TRIP6: variants seen among roughly 807,000 people sequenced by gnomAD.
TRIP6 encodes thyroid receptor-interacting protein 6.
TRIP6 carries 33 observed loss-of-function variants against 51.9 expected under a neutral mutation model. The ratio of observed to expected loss-of-function variants is 0.64; its 90% CI spans 0.48 to 0.85. TRIP6 has a LOEUF of 0.85. Among genes scored for constraint, TRIP6 ranks in the 40% least tolerant of loss-of-function variants. The probability of loss-of-function intolerance (pLI) is 0.00; values close to 1 mark genes in which losing one functional copy is unlikely to be tolerated. For synonymous variants in TRIP6, 255 were observed against 275.8 expected, an observed-to-expected ratio of 0.92 and a Z score of 0.75; for missense variants, 661 against 652.1, an observed-to-expected ratio of 1.01 and a Z score of -0.15.
At chr7:100,868,385 C>G in intron 3 of TRIP6, 110 bp from the exon 4 acceptor site, 1 of 1,587,478 alleles carries the variant, frequency 6.3e-7, no homozygotes. Context: ...AGGACGGGAC[C>G]TTGTCAAATG....
intron 6 of TRIP6, 134 bp from the exon 7 acceptor site, chr7:100,871,409 G>C: frequency 1.2e-6 from 1 of 836,068 alleles, no homozygotes; most frequent in Non-Finnish European, 1.9e-6. Flanking sequence ...GCTCAAGTCT[G>C]CCTTTCACCG....
At position 100,873,263 on chromosome 7, in the gene TRIP6, G is replaced by C; in HGVS notation, c.1391G>C (p.Arg464Pro). 1 of 1,612,384 alleles carries C rather than the reference G, an allele frequency of 6.2e-7. No homozygotes were observed. Among genetic ancestry groups the C allele is most frequent in the Non-Finnish European group, 8.5e-7 (1 of 1,178,782 alleles). Residue 464 changes from arginine to proline, a missense_variant, in exon 9 of 9, where the codon CGC becomes CCC. Transcript: ENST00000200457. ...TTGTGCAAGGCCTGCAGCGCCTGGC[G>C]CATCCAGGAGCTCTCAGCCACCGTC... Reference protein sequence around the residue: ...HILCKACSAWRIQELSATVTT... With the variant: ...HILCKACSAWPIQELSATVTT...
chr7:100,872,933 C>T (rs1464141952), intron 8 of TRIP6, 189 bp downstream of exon 8: 4 of 1,119,656 alleles, frequency 3.6e-6, no homozygotes, highest in East Asian at 5.5e-5. Context: ...TCACTGCAAC[C>T]TCCACCTCCC....
Position 100,867,544 on chromosome 7 carries a change from G to T in TRIP6, c.47G>T (p.Arg16Ile), listed in dbSNP as rs1364502043. The change falls in exon 1 of 9, where the codon AGA becomes ATA. Residue 16 changes from arginine (R) to isoleucine (I), a missense_variant. By Grantham distance (97) the Arg-to-Ile change is moderately conservative (BLOSUM62 -3). Coordinates refer to ENST00000200457, the MANE Select transcript of TRIP6 (RefSeq NM_003302.3). The surrounding 1 kb of genome is among the most constrained non-coding windows in gnomAD (Gnocchi z 5.4). ...CCCCCGAAGCAGCCGGAGCCCGCCA[G>T]AGCCCCTCAGGGGAGGGCGATCCCC... ...WLPPKQPEPA[R>I]APQGRAIPRG... 1 of 1,533,980 alleles carries T rather than the reference G, an allele frequency of 6.5e-7. No homozygotes were observed. Among genetic ancestry groups the T allele is most frequent in the Non-Finnish European group, 8.8e-7 (1 of 1,142,378 alleles).
At position 100,870,315 on chromosome 7, in the gene TRIP6, T is replaced by C. The variant is rs1001372769; in HGVS notation, c.736-55T>C. ...GCCATGGCCTGGCGGCTGAGGGCCC[T>C]GGTATTACAGCATCAGGAGCTAGAG... On this transcript the variant is annotated intron_variant, in intron 4 of 8. Coordinates refer to ENST00000200457, the MANE Select transcript of TRIP6 (RefSeq NM_003302.3). 9.6e-6 allele frequency: 15 copies of C among 1,562,486 alleles called. No homozygotes were observed. In the East Asian group the frequency reaches 3.1e-4, roughly 32 times the overall value.
chr7:100,867,577 C>T lies in TRIP6; in HGVS notation c.80C>T (p.Thr27Ile), dbSNP rs1458787504. The T allele has an allele frequency of 5.8e-6, 9 of 1,539,526 alleles. No individual in the cohort carries two copies. The highest frequency in any genetic ancestry group is 7.9e-6 in the Non-Finnish European group (9 of 1,146,166). The change falls in exon 1 of 9, where the codon ACC becomes ATC. Residue 27 changes from threonine (T) to isoleucine (I), a missense_variant. By Grantham distance (89) the Thr-to-Ile change is moderately conservative. Transcript: ENST00000200457. The surrounding 1 kb of genome is among the most constrained non-coding windows in gnomAD (Gnocchi z 5.4). The stretch of plus-strand genomic sequence containing the variant: ...CAGGGGAGGGCGATCCCCCGCGGCA[C>T]CCCGGGGCCACCACCGGCCCACGGA... ...APQGRAIPRG[T>I]PGPPPAHGAA...
rs532016065 is a variant in TRIP6 at position 100,867,708 on chromosome 7, C to T, written c.109+102C>T. On this transcript the variant is annotated intron_variant, in intron 1 of 8. Coordinates refer to ENST00000200457, the MANE Select transcript of TRIP6 (RefSeq NM_003302.3). This position sits in a 1 kb window ranked among gnomAD's most constrained non-coding sequence, Gnocchi z 5.4. Reference sequence around the variant, plus strand: ...CCTGGCTGCTTCCTCCTGCCCCTTCCCCAAGCCGAGGCGGGGGGAACAGCC... The same window carrying T: ...CCTGGCTGCTTCCTCCTGCCCCTTCTCCAAGCCGAGGCGGGGGGAACAGCC... 18 of 1,529,382 alleles carry T rather than the reference C, an allele frequency of 1.2e-5. No individual in the cohort carries two copies. In the East Asian group the frequency reaches 3.6e-4, roughly 30 times the overall value. 94.7% of individuals were successfully genotyped at this position (1,529,382 alleles called of 1,614,324 possible).
intron 7 of TRIP6, 72 bp downstream of exon 7, chr7:100,871,793 G>C: frequency 1.3e-6 from 2 of 1,544,428 alleles, no homozygotes; most frequent in Non-Finnish European, 1.8e-6. Context: ...CATGCCCCAG[G>C]ACTGTCTCTT....
Position 100,873,441 on chromosome 7 carries a change from G to A in TRIP6, c.*138G>A, listed in dbSNP as rs748293067. 38 of 1,325,680 alleles carry A rather than the reference G, an allele frequency of 2.9e-5. No homozygotes were observed. Among genetic ancestry groups the A allele is most frequent in the African/African-American group, 4.4e-5 (3 of 67,600 alleles). 82.1% of individuals were successfully genotyped at this position (1,325,680 alleles called of 1,614,324 possible). ...TCCAATCAAGAAATAATAATCCCTC[G>A]AGTTTACAAAACACTTCCAAGTCTG... is the stretch of plus-strand genomic sequence containing the variant. On this transcript the variant is annotated 3_prime_UTR_variant, in exon 9 of 9. Coordinates refer to ENST00000200457, the MANE Select transcript of TRIP6 (RefSeq NM_003302.3).
In TRIP6 at chr7:100,867,949, G is replaced by A. The variant is rs898182784; in HGVS notation, c.198G>A (p.Pro66=). Reference sequence around the variant, plus strand: ...CAGGGGGACCGGAGGATCGGGGGCCGGCGTGGGTGGGGTCCCATGGAGTAC... The same window carrying A: ...CAGGGGGACCGGAGGATCGGGGGCCAGCGTGGGTGGGGTCCCATGGAGTAC... ...QAPGGPEDRG[P]AWVGSHGVLQ... The change falls in exon 2 of 9, where the codon CCG becomes CCA. Residue 66 remains proline, a synonymous_variant. Coordinates refer to ENST00000200457, the MANE Select transcript of TRIP6 (RefSeq NM_003302.3). The surrounding 1 kb of genome is among the most constrained non-coding windows in gnomAD (Gnocchi z 5.4). 1.7e-5 allele frequency: 26 copies of A among 1,513,896 alleles called. No individual in the cohort carries two copies. The highest frequency in any genetic ancestry group is 2.7e-5 in the South Asian group (2 of 74,424). The allele number at this position is 1,513,896 out of a possible 1,614,324, so 93.8% of individuals were successfully genotyped here. A position where few individuals can be genotyped will look rare whatever the true frequency, so the allele number is the denominator to read the frequency against.
At position 100,868,783 on chromosome 7, in the gene TRIP6, G is replaced by C. The variant is rs1815206536; in HGVS notation, c.652G>C (p.Glu218Gln). ...VWGPGYRSQR[E>Q]PGPGAKEEAA... ...GGGGCCTGGCTATAGGAGCCAGAGAGAGCCAGGGCCAGGGGCCAAAGAGGA... is the reference window on the plus strand; with the variant it reads ...GGGGCCTGGCTATAGGAGCCAGAGACAGCCAGGGCCAGGGGCCAAAGAGGA... The change falls in exon 4 of 9, where the codon GAG (glutamate) becomes CAG (glutamine). Residue 218 changes from glutamate to glutamine, a missense_variant. Transcript: ENST00000200457. 2 of 1,530,280 alleles carry C rather than the reference G, an allele frequency of 1.3e-6. No individual in the cohort carries two copies. The highest frequency in any genetic ancestry group is 2.2e-4 in the Middle Eastern group (1 of 4,530). The allele number at this position is 1,530,280 out of a possible 1,614,324, so 94.8% of individuals were successfully genotyped here.
rs767261190 is a variant in TRIP6, at chr7:100,868,482, C to T, written c.364-13C>T. Reference sequence around the variant, plus strand: ...GTCCTTGCTTACGACTTCTGGCCTGCGTTTCTCCTCAGGCATATGAGCCCC... The same window carrying T: ...GTCCTTGCTTACGACTTCTGGCCTGTGTTTCTCCTCAGGCATATGAGCCCC... On this transcript the variant is annotated splice_polypyrimidine_tract_variant and intron_variant, in intron 3 of 8. Coordinates refer to ENST00000200457, the MANE Select transcript of TRIP6 (RefSeq NM_003302.3). 25 of 1,613,034 alleles carry T rather than the reference C, an allele frequency of 1.5e-5. No homozygotes were observed. Among genetic ancestry groups the T allele is most frequent in the South Asian group, 8.8e-5 (8 of 91,076 alleles).
Position 100,871,551 on chromosome 7 carries a change from G to A in TRIP6, c.1008G>A (p.Leu336=), listed in dbSNP as rs1815268504. The part of the protein sequence containing the change: ...AYCEGCYVAT[L]EKCATCSQPI... ...GCCTTCCTTCCCAACAGGCCACCCT[G>A]GAGAAATGTGCCACGTGCTCCCAGC... Residue 336 remains leucine (L), a synonymous_variant, in exon 7 of 9, where the codon CTG becomes CTA. Coordinates refer to ENST00000200457, the MANE Select transcript of TRIP6 (RefSeq NM_003302.3). The A allele has an allele frequency of 6.2e-6, 10 of 1,613,656 alleles. No individual in the cohort carries two copies. The highest frequency in any genetic ancestry group is 1.7e-5 in the Admixed American group (1 of 60,020).
chr7:100,870,156 A>G (rs960153280), intron 4 of TRIP6, among the ~76,000 whole-genome samples: 4 of 152,170 alleles, frequency 2.6e-5, no homozygotes, highest in African/African-American at 9.7e-5. Context: ...TCCTATGAGA[A>G]TCTAACGCCG....
chr7:100,873,058 C>T, intron 8 of TRIP6, 114 bp from the exon 9 acceptor site: 3 of 1,418,452 alleles, frequency 2.1e-6, no homozygotes, highest in Non-Finnish European at 1.9e-6. Flanking sequence ...ACCATATTGG[C>T]CAGGCTGGTC....
At chr7:100,869,249 C>T (rs1027581676) in intron 4 of TRIP6, among the ~76,000 whole-genome samples, 11 of 151,582 alleles carry the variant, frequency 7.3e-5, no homozygotes, top group Admixed American at 2.6e-4. Flanking sequence ...TGAGCCACCG[C>T]GCCTGGCCAA....
chr7:100,873,040 A>T, intron 8 of TRIP6, 132 bp from the exon 9 acceptor site: 1 of 1,307,032 alleles, frequency 7.7e-7, no homozygotes. Context: ...TAGTAGAGAC[A>T]GGGTTTCACC....
Position 100,867,428 on chromosome 7 carries a change from A to C in TRIP6, c.-70A>C, listed in dbSNP as rs1815160863. On this transcript the variant is annotated 5_prime_UTR_variant, in exon 1 of 9. Transcript: ENST00000200457. The surrounding 1 kb of genome is among the most constrained non-coding windows in gnomAD (Gnocchi z 5.4). Reference sequence around the variant, plus strand: ...TCTGGAGTCCCAAACGAGGTGCGGGACGGAAGAGGGGGTGAAGGCCAGAGG... The same window carrying C: ...TCTGGAGTCCCAAACGAGGTGCGGGCCGGAAGAGGGGGTGAAGGCCAGAGG... 8.7e-7 allele frequency: 1 copy of C among 1,154,936 alleles called. No homozygotes were observed. The highest frequency in any genetic ancestry group is 1.2e-6 in the Non-Finnish European group (1 of 857,110). 71.5% of individuals were successfully genotyped at this position (1,154,936 alleles called of 1,614,324 possible).
At chr7:100,868,950 C>CT in intron 4 of TRIP6, 84 bp downstream of exon 4, 4 of 1,399,072 alleles carry the variant, frequency 2.9e-6, no homozygotes, top group Non-Finnish European at 3.7e-6. Flanking sequence ...TTTTAGGGGG[C>CT]TTTTTTGTTT....
Sources: allele counts gnomAD v4.1 joint callset (sites outside exome capture counted in the v4.1 genomes callset), GRCh38; gene constraint gnomAD v4.1.1; non-coding constraint Gnocchi (gnomAD v3.1); transcripts MANE v1.5; gene names NCBI Gene and HGNC (gene_info 2026-07-23, HGNC 2026-07-21).